Variants in SIPA1L1 observed in about 807,000 individuals in gnomAD.
The protein encoded by SIPA1L1 is signal induced proliferation associated 1 like 1, also known as signal-induced proliferation-associated 1-like protein 1.
Under a neutral mutation model 162.7 loss-of-function variants are expected in SIPA1L1, and 26 were observed. That is an observed-to-expected ratio of 0.16 (90% confidence interval 0.12 to 0.22). SIPA1L1 has a LOEUF of 0.22. Ranked by LOEUF, SIPA1L1 falls within the 10% of genes least tolerant of loss-of-function variation. SIPA1L1 has a pLI of 1.00. For missense variants in SIPA1L1, 1,874 were observed against 2,241.0 expected, an observed-to-expected ratio of 0.84 and a Z score of 3.31; for synonymous variants, 829 against 837.4, an observed-to-expected ratio of 0.99 and a Z score of 0.17.
chr14:71,451,569 A>G (rs1225537116), intron 2 of SIPA1L1, among the ~76,000 whole-genome samples: 1 of 144,712 alleles, frequency 6.9e-6, no homozygotes, highest in Non-Finnish European at 1.5e-5. Flanking sequence ...CAGGAGGTGG[A>G]GGCTGCAGTG....
At chr14:71,677,086 A>G (rs1870125640) in intron 12 of SIPA1L1, among the ~76,000 whole-genome samples, 1 of 152,186 alleles carries the variant, frequency 6.6e-6, no homozygotes, top group Non-Finnish European at 1.5e-5. Context: ...TTACACTCCC[A>G]CCAACAGTGT....
intron 4 of SIPA1L1, among the ~76,000 whole-genome samples, chr14:71,561,308 A>G (rs1374149146): frequency 6.6e-6 from 1 of 152,146 alleles, no homozygotes; most frequent in East Asian, 1.9e-4. Flanking sequence ...GCCATTAGCA[A>G]TGCTATAATT....
rs1461622188 is a variant in SIPA1L1 at position 71,537,699 on chromosome 14, T to TC, written c.-303+8329_-303+8330insC. On this transcript the variant is annotated intron_variant, in intron 4 of 23. Transcript: ENST00000381232. Reference sequence around the variant, plus strand: ...CTTCATTTCCTTTTCTCTCTCTCTCTTTTTTTTTTTCTCCCTTGACAGAGA... The same window carrying TC: ...CTTCATTTCCTTTTCTCTCTCTCTCTCTTTTTTTTTTCTCCCTTGACAGAGA... Among the ~76,000 whole-genome samples, 9 of 141,080 alleles carry TC rather than the reference T, an allele frequency of 6.4e-5. No homozygotes were observed. In the South Asian group the frequency reaches 6.4e-4, roughly 10 times the overall value. 92.6% of individuals were successfully genotyped at this position (141,080 alleles called of 152,430 possible). A position where few individuals can be genotyped will look rare whatever the true frequency, so the allele number is the denominator to read the frequency against.
At position 71,740,549 on chromosome 14, in the gene SIPA1L1, G is replaced by T. The variant is rs1159999677; in HGVS notation, c.*1388G>T. 1.3e-5 allele frequency: 2 copies of T among 152,182 alleles called. No individual in the cohort carries two copies. Among genetic ancestry groups the T allele is most frequent in the African/African-American group, 4.8e-5 (2 of 41,436 alleles). The allele number at this position is 152,182 out of a possible 1,614,324, so 9.4% of individuals were successfully genotyped here. ...GTCTAAGGGAACATTCAGCACTCTA[G>T]CGGCATCTGATTGGAAGTTCCCTCA... On this transcript the variant is annotated 3_prime_UTR_variant, in exon 24 of 24. Coordinates refer to ENST00000381232, the MANE Select transcript of SIPA1L1 (RefSeq NM_001386936.1).
chr14:71,429,301 C>G (rs1054609887), intron 2 of SIPA1L1, among the ~76,000 whole-genome samples: 1 of 152,108 alleles, frequency 6.6e-6, no homozygotes, highest in Non-Finnish European at 1.5e-5. Flanking sequence ...CACTGGTAAA[C>G]AGTTTGTTGA....
intron 13 of SIPA1L1, among the ~76,000 whole-genome samples, chr14:71,686,051 G>T (rs745497800): frequency 5.3e-5 from 8 of 152,138 alleles, no homozygotes; most frequent in Non-Finnish European, 8.8e-5. Context: ...AACTATGTTT[G>T]TGTCACTTTA....
intron 2 of SIPA1L1, among the ~76,000 whole-genome samples, chr14:71,399,524 C>T (rs1053425093): frequency 6.6e-6 from 1 of 152,062 alleles, no homozygotes; most frequent in African/African-American, 2.4e-5. Context: ...GACATCTTAA[C>T]CTTCTGAGTA....
At chr14:71,394,147 T>C (rs1489648183) in intron 2 of SIPA1L1, among the ~76,000 whole-genome samples, 3 of 152,194 alleles carry the variant, frequency 2.0e-5, no homozygotes, top group Non-Finnish European at 4.4e-5. Context: ...TTTTCTTCTT[T>C]ATCCCCTGCC....
intron 2 of SIPA1L1, among the ~76,000 whole-genome samples, chr14:71,452,696 A>G (rs1210959386): frequency 6.6e-6 from 1 of 152,106 alleles, no homozygotes; most frequent in African/African-American, 2.4e-5. Flanking sequence ...TCATCAGCAC[A>G]TTGTATTTTT....
intron 2 of SIPA1L1, among the ~76,000 whole-genome samples, chr14:71,426,170 C>G (rs2043543353): frequency 6.6e-6 from 1 of 152,078 alleles, no homozygotes; most frequent in African/African-American, 2.4e-5. Flanking sequence ...CTTTGTCTAT[C>G]AGAGGTTGTT....
intron 2 of SIPA1L1, among the ~76,000 whole-genome samples, chr14:71,466,302 T>C (rs908274348): frequency 6.6e-6 from 1 of 152,208 alleles, no homozygotes; most frequent in African/African-American, 2.4e-5. Flanking sequence ...GAGGCTGTTG[T>C]TTATTTTTGG....
At chr14:71,430,027 T>C (rs914213602) in intron 2 of SIPA1L1, among the ~76,000 whole-genome samples, 1 of 152,232 alleles carries the variant, frequency 6.6e-6, no homozygotes. Flanking sequence ...TAAGTGCTTC[T>C]GAAGTTTGGA....
intron 2 of SIPA1L1, chr14:71,330,400 A>G (rs1346106282): frequency 8.3e-7 from 1 of 1,201,052 alleles, no homozygotes; most frequent in Non-Finnish European, 1.2e-6. Context: ...ATGCATGCTG[A>G]TTTCACGAGC....
intron 4 of SIPA1L1, among the ~76,000 whole-genome samples, chr14:71,530,636 C>T (rs2053349312): frequency 2.0e-5 from 3 of 152,200 alleles, no homozygotes; most frequent in Admixed American, 6.5e-5. Flanking sequence ...TGTTACCTCT[C>T]CTCAACACTC....
At chr14:71,563,579 T>C (rs2056960416) in intron 4 of SIPA1L1, among the ~76,000 whole-genome samples, 1 of 152,236 alleles carries the variant, frequency 6.6e-6, no homozygotes, top group South Asian at 2.1e-4. Context: ...GTGTAACATC[T>C]GAACTAAGCT....
intron 12 of SIPA1L1, among the ~76,000 whole-genome samples, chr14:71,674,570 G>GTTTTTTTTTT (rs146359962): frequency 2.6e-5 from 3 of 114,200 alleles, no homozygotes; most frequent in Admixed American, 8.6e-5. Flanking sequence ...GTTTTTTTTT[G>GTTTTTTTTTT]TTTTTTTTTT....
chr14:71,417,305 A>T (rs2042842482), intron 2 of SIPA1L1, among the ~76,000 whole-genome samples: 2 of 151,424 alleles, frequency 1.3e-5, no homozygotes, highest in Admixed American at 1.3e-4. Flanking sequence ...CCCCGTCTCT[A>T]CTAAAAATAC....
intron 2 of SIPA1L1, among the ~76,000 whole-genome samples, chr14:71,357,721 C>A (rs1445328070): frequency 6.6e-6 from 1 of 152,006 alleles, no homozygotes; most frequent in Non-Finnish European, 1.5e-5. Flanking sequence ...GCCATCAATG[C>A]CGGCTAATTT....
intron 2 of SIPA1L1, chr14:71,330,380 A>G (rs150844826): frequency 1.0e-5 from 10 of 995,408 alleles, no homozygotes; most frequent in East Asian, 9.5e-5. Context: ...TTGTAGGGAA[A>G]GAAGCGGACA....
Sources: allele counts gnomAD v4.1 joint callset (sites outside exome capture counted in the v4.1 genomes callset), GRCh38; gene constraint gnomAD v4.1.1; transcripts MANE v1.5; gene names NCBI Gene and HGNC (gene_info 2026-07-23, HGNC 2026-07-21).